The following DNAH6 variants were observed in gnomAD, a reference collection of about 807,000 sequenced individuals.
The protein encoded by DNAH6 is dynein axonemal heavy chain 6.
Under a neutral mutation model 491.4 loss-of-function variants are expected in DNAH6, and 340 were observed. The ratio of observed to expected loss-of-function variants is 0.69; its 90% CI spans 0.63 to 0.76. The LOEUF (loss-of-function observed/expected upper bound fraction) is 0.76. Among genes scored for constraint, DNAH6 ranks in the 30% least tolerant of loss-of-function variants. DNAH6 has a pLI of 0.00. For missense variants in DNAH6, 4,443 were observed against 4,972.2 expected (o/e 0.89, Z 3.20); for synonymous variants, 1,603 against 1,686.1 (o/e 0.95, Z 1.21).
intron 33 of DNAH6, among the ~76,000 whole-genome samples, chr2:84,646,233 C>T (rs756202180): frequency 6.6e-6 from 1 of 152,188 alleles, no homozygotes; most frequent in Non-Finnish European, 1.5e-5. Flanking sequence ...CCATACATAA[C>T]AGCAAACTTA....
intron 29 of DNAH6, among the ~76,000 whole-genome samples, chr2:84,631,231 A>T (rs1688368775): frequency 6.6e-6 from 1 of 152,144 alleles, no homozygotes; most frequent in African/African-American, 2.4e-5. Context: ...GTCTGAAAAC[A>T]CACAAGAATG....
intron 3 of DNAH6, among the ~76,000 whole-genome samples, chr2:84,528,497 CT>C (rs1443622788): frequency 4.6e-5 from 7 of 152,108 alleles, no homozygotes; most frequent in Non-Finnish European, 1.0e-4. Context: ...ACTCCACTCA[CT>C]GAAGAGCATC....
rs761544939 is a variant in DNAH6 at position 84,674,124 on chromosome 2, AG to A, written c.6612+1642del. On this transcript the variant is annotated intron_variant, in intron 40 of 76. Coordinates refer to ENST00000389394, the MANE Select transcript of DNAH6 (RefSeq NM_001370.2). ...CACAATAAAAACAAATAATTGTACC[AG>A]GCACTATTCTAAGGATTTCCCACCT... 9.8e-5 allele frequency among the ~76,000 whole-genome samples: 15 copies of A among 152,344 alleles called. No homozygotes were observed. The East Asian group carries it at 1.2e-3, about 12-fold the overall frequency.
intron 76 of DNAH6, 88 bp from the exon 77 acceptor site, chr2:84,819,217 A>C (rs1187858877): frequency 4.4e-6 from 4 of 906,864 alleles, no homozygotes; most frequent in Non-Finnish European, 6.7e-6. Context: ...CCTGGAACCC[A>C]GATGTCTTGA....
At chr2:84,755,186 T>C (rs750383682) in intron 63 of DNAH6, among the ~76,000 whole-genome samples, 1 of 152,216 alleles carries the variant, frequency 6.6e-6, no homozygotes, top group Non-Finnish European at 1.5e-5. Context: ...AATGGGTTAA[T>C]GTCATTGTCA....
chr2:84,634,649 A>T lies in DNAH6; in HGVS notation c.4653+8A>T, dbSNP rs1688711645. 1 of 1,509,448 alleles carries T rather than the reference A, an allele frequency of 6.6e-7. No homozygotes were observed. Among genetic ancestry groups the T allele is most frequent in the African/African-American group, 1.4e-5 (1 of 69,926 alleles). The allele number at this position is 1,509,448 out of a possible 1,614,324, so 93.5% of individuals were successfully genotyped here. On this transcript the variant is annotated splice_region_variant and intron_variant, in intron 30 of 76. Coordinates refer to ENST00000389394, the MANE Select transcript of DNAH6 (RefSeq NM_001370.2). ...AACGCCAAAGCGGCAAAGGTAAGGCACTGGGCAATCGACTTTCAAGGTAGC... is the reference window on the plus strand; with the variant it reads ...AACGCCAAAGCGGCAAAGGTAAGGCTCTGGGCAATCGACTTTCAAGGTAGC...
intron 41 of DNAH6, among the ~76,000 whole-genome samples, chr2:84,680,840 T>C (rs1431885799): frequency 6.6e-6 from 1 of 151,676 alleles, no homozygotes. Flanking sequence ...GGACAGAAAA[T>C]GGGAGGTGTA....
At chr2:84,546,042 C>G (rs1431077800) in intron 5 of DNAH6, among the ~76,000 whole-genome samples, 1 of 152,166 alleles carries the variant, frequency 6.6e-6, no homozygotes, top group African/African-American at 2.4e-5. Context: ...AAGAAAACCT[C>G]ATTACCCATT....
At chr2:84,478,708 G>T in the DNAH6 span, among the ~76,000 whole-genome samples, 1 of 152,196 alleles carries the variant, frequency 6.6e-6, no homozygotes, top group Non-Finnish European at 1.5e-5. Context: ...AGACTGGGCA[G>T]TGGGAGAGGT....
chr2:84,709,932 G>A (rs896198516), intron 55 of DNAH6, among the ~76,000 whole-genome samples: 13 of 152,148 alleles, frequency 8.5e-5, no homozygotes, highest in East Asian at 3.8e-4. Flanking sequence ...TGGAATTTAC[G>A]GTTGACAGCA....
At chr2:84,549,716 A>G (rs1161869178) in intron 8 of DNAH6, among the ~76,000 whole-genome samples, 173 bp from the exon 9 acceptor site, 1 of 152,238 alleles carries the variant, frequency 6.6e-6, no homozygotes, top group African/African-American at 2.4e-5. Context: ...AAGGAAGAAT[A>G]TCTAAGGACA....
At chr2:84,690,336 TATAAC>T (rs1171491096) in intron 45 of DNAH6, among the ~76,000 whole-genome samples, 1 of 152,248 alleles carries the variant, frequency 6.6e-6, no homozygotes, top group Non-Finnish European at 1.5e-5. Context: ...GCTTAAGTGT[TATAAC>T]ATAGGTTGTT....
intron 40 of DNAH6, among the ~76,000 whole-genome samples, chr2:84,672,853 G>T (rs1458520823): frequency 6.6e-6 from 1 of 152,140 alleles, no homozygotes; most frequent in Non-Finnish European, 1.5e-5. Flanking sequence ...CCTGAGTTAG[G>T]ACTTCAACAT....
intron 18 of DNAH6, among the ~76,000 whole-genome samples, chr2:84,603,659 C>G (rs1261411763): frequency 6.6e-6 from 1 of 152,152 alleles, no homozygotes; most frequent in Non-Finnish European, 1.5e-5. Flanking sequence ...AGTGCTGAGC[C>G]TAGCACTTAT....
intron 44 of DNAH6, among the ~76,000 whole-genome samples, chr2:84,688,035 G>T (rs1694452000): frequency 6.6e-6 from 1 of 152,054 alleles, no homozygotes; most frequent in African/African-American, 2.4e-5. Context: ...AGGAGCTCGA[G>T]ATCAGCCTGG....
intron 21 of DNAH6, among the ~76,000 whole-genome samples, chr2:84,608,004 C>A (rs1162911871): frequency 6.6e-6 from 1 of 152,148 alleles, no homozygotes; most frequent in Non-Finnish European, 1.5e-5. Context: ...TATGTAATAT[C>A]CTAAATCCTT....
chr2:84,809,043 A>G (rs1679712526), intron 72 of DNAH6, among the ~76,000 whole-genome samples: 1 of 152,346 alleles, frequency 6.6e-6, no homozygotes, highest in Admixed American at 6.5e-5. Context: ...GCCTGGGAAT[A>G]TGAATTTTAA....
At chr2:84,498,468 CT>C in the DNAH6 span, among the ~76,000 whole-genome samples, 2 of 150,100 alleles carry the variant, frequency 1.3e-5, no homozygotes, top group African/African-American at 4.9e-5. Flanking sequence ...AAATCTAAAG[CT>C]TTTTTTGTTT....
rs191121311 is a variant in DNAH6 at position 84,718,186 on chromosome 2, T to C, written c.9612-18T>C. 3 of 1,494,646 alleles carry C rather than the reference T, an allele frequency of 2.0e-6. No individual in the cohort carries two copies. Among genetic ancestry groups the C allele is most frequent in the Non-Finnish European group, 2.7e-6 (3 of 1,123,232 alleles). 92.6% of individuals were successfully genotyped at this position (1,494,646 alleles called of 1,614,324 possible). On this transcript the variant is annotated intron_variant, in intron 58 of 76. Coordinates refer to ENST00000389394, the MANE Select transcript of DNAH6 (RefSeq NM_001370.2). ...CACTGGCAGAGACATAATTTAGATA[T>C]CTGAACTTTGGTTTTAGTGATGTGG...
Sources: allele counts gnomAD v4.1 joint callset (sites outside exome capture counted in the v4.1 genomes callset), GRCh38; gene constraint gnomAD v4.1.1; transcripts MANE v1.5; gene names NCBI Gene and HGNC (gene_info 2026-07-23, HGNC 2026-07-21).